Variants in DPYD observed in about 807,000 individuals in gnomAD.
DPYD encodes dihydropyrimidine dehydrogenase [NADP(+)].
A neutral mutation model predicts 116.2 loss-of-function variants in DPYD; 109 were observed. That is an observed-to-expected ratio of 0.94 (90% CI 0.80 to 1.10). The LOEUF is 1.10. Among genes scored for constraint, DPYD ranks in the 50% least tolerant of loss-of-function variants. The pLI is 0.00. For missense variants in DPYD, 1,302 were observed against 1,254.5 expected (o/e 1.04, Z -0.57); for synonymous variants, 440 against 432.0 (o/e 1.02, Z -0.23).
intron 8 of DPYD, among the ~76,000 whole-genome samples, chr1:97,626,835 A>G (rs1656960171): frequency 6.6e-6 from 1 of 152,116 alleles, no homozygotes; most frequent in Admixed American, 6.6e-5. Context: ...TCAGTAAAAT[A>G]TATTAGTAGT....
At chr1:97,796,136 C>T (rs1217757445) in intron 3 of DPYD, among the ~76,000 whole-genome samples, 1 of 151,990 alleles carries the variant, frequency 6.6e-6, no homozygotes, top group Non-Finnish European at 1.5e-5. Context: ...TGACAATGAT[C>T]ATAATAGCTT....
chr1:97,754,238 A>G (rs1024921197), intron 3 of DPYD, among the ~76,000 whole-genome samples: 4 of 152,336 alleles, frequency 2.6e-5, no homozygotes, highest in African/African-American at 9.6e-5. Flanking sequence ...TGACCTATTC[A>G]TTAAGAGAAG....
In DPYD at chr1:97,337,652, A is replaced by T. The variant is rs983401650; in HGVS notation, c.2059-31355T>A. ...AAGTTGAAGGCTCATGACTTAACAC[A>T]TTTTTTTTTTTTTTTTTTGGAATTG... On this transcript the variant is annotated intron_variant, in intron 16 of 22. Transcript: ENST00000370192. Among the ~76,000 whole-genome samples, 29 of 145,484 alleles carry T rather than the reference A, an allele frequency of 2.0e-4. No homozygotes were observed. The East Asian group carries it at 4.2e-3, about 21-fold the overall frequency.
At chr1:97,340,434 C>A (rs1422578026) in intron 16 of DPYD, among the ~76,000 whole-genome samples, 1 of 152,046 alleles carries the variant, frequency 6.6e-6, no homozygotes, top group African/African-American at 2.4e-5. Context: ...CTTTGGGAGG[C>A]CAAGGTAGGA....
intron 8 of DPYD, among the ~76,000 whole-genome samples, chr1:97,615,364 A>G (rs1656201354): frequency 6.6e-6 from 1 of 152,104 alleles, no homozygotes; most frequent in Non-Finnish European, 1.5e-5. Context: ...GCTAGACACT[A>G]TGCTGGGTGT....
intron 14 of DPYD, among the ~76,000 whole-genome samples, chr1:97,396,429 T>C (rs977923581): frequency 1.3e-5 from 2 of 151,668 alleles, no homozygotes; most frequent in African/African-American, 4.8e-5. Flanking sequence ...GTCAGTTTTT[T>C]ATTATATTCA....
At chr1:97,542,461 T>C (rs1307294116) in intron 12 of DPYD, among the ~76,000 whole-genome samples, 1 of 152,162 alleles carries the variant, frequency 6.6e-6, no homozygotes, top group Non-Finnish European at 1.5e-5. Flanking sequence ...TAAAATCTTA[T>C]CCAGTAGCCT....
intron 18 of DPYD, among the ~76,000 whole-genome samples, chr1:97,287,911 T>G (rs1241440419): frequency 6.6e-6 from 1 of 151,570 alleles, no homozygotes; most frequent in Non-Finnish European, 1.5e-5. Context: ...AAGAGTCAAG[T>G]CCCATCAGTG....
chr1:97,646,317 T>A (rs965232977), intron 8 of DPYD, among the ~76,000 whole-genome samples: 11 of 151,440 alleles, frequency 7.3e-5, no homozygotes, highest in African/African-American at 2.4e-4. Context: ...TATCTTCTTT[T>A]TATTTTTTTT....
chr1:97,578,068 A>C (rs1002867536), intron 10 of DPYD, among the ~76,000 whole-genome samples: 2 of 151,664 alleles, frequency 1.3e-5, no homozygotes, highest in African/African-American at 4.8e-5. Flanking sequence ...TTGGTCTCAA[A>C]CTCCTGACCT....
intron 3 of DPYD, among the ~76,000 whole-genome samples, chr1:97,763,880 T>C (rs1665712453): frequency 6.6e-6 from 1 of 152,098 alleles, no homozygotes; most frequent in Non-Finnish European, 1.5e-5. Flanking sequence ...CTAGCTTAAT[T>C]AGTATGCATT....
At position 97,494,784 on chromosome 1, in the gene DPYD, A is replaced by G. The variant is rs149100873; in HGVS notation, c.1740+20942T>C. Among the ~76,000 whole-genome samples, 11 of 127,622 alleles carry G rather than the reference A, an allele frequency of 8.6e-5. 1 individual carries two copies. The highest frequency in any genetic ancestry group is 1.5e-4 in the Admixed American group (2 of 13,596). 83.7% of individuals were successfully genotyped at this position (127,622 alleles called of 152,430 possible). A position where few individuals can be genotyped will look rare whatever the true frequency, so the allele number is the denominator to read the frequency against. On this transcript the variant is annotated intron_variant, in intron 13 of 22. Coordinates refer to ENST00000370192, the MANE Select transcript of DPYD (RefSeq NM_000110.4). ...CACACACACACACACACACATACGC[A>G]CACACACACATAATTTTAAGATAAA...
At chr1:97,801,539 A>G (rs931792509) in intron 3 of DPYD, among the ~76,000 whole-genome samples, 1 of 151,902 alleles carries the variant, frequency 6.6e-6, no homozygotes, top group African/African-American at 2.4e-5. Context: ...TCAGAAGAAA[A>G]ATAAATTAGA....
intron 3 of DPYD, among the ~76,000 whole-genome samples, chr1:97,741,440 G>A (rs1276047161): frequency 6.6e-6 from 1 of 152,110 alleles, no homozygotes; most frequent in Non-Finnish European, 1.5e-5. Context: ...CCCCTACTGA[G>A]TCCAAGTTAC....
In DPYD at chr1:97,883,334, G is replaced by A. The variant is rs1672322439; in HGVS notation, c.80C>T (p.Thr27Ile). 1 of 1,612,678 alleles carries A rather than the reference G, an allele frequency of 6.2e-7. No homozygotes were observed. The highest frequency in any genetic ancestry group is 2.2e-5 in the East Asian group (1 of 44,766). Reference protein sequence around the residue: ...ALNPRTQTHATLCSTSAKKLD... With the variant: ...ALNPRTQTHAILCSTSAKKLD... ...TTTCTTGGCCGAAGTGGAACACAGAGTTGCATGAGTTTGTGTTCGAGGATT... is the reference window on the plus strand; with the variant it reads ...TTTCTTGGCCGAAGTGGAACACAGAATTGCATGAGTTTGTGTTCGAGGATT... The change falls in exon 2 of 23, where the codon ACT becomes ATT. Residue 27 changes from threonine to isoleucine, a missense_variant. Thr to Ile is a moderately conservative substitution (Grantham distance 89, BLOSUM62 -1). Transcript: ENST00000370192.
intron 19 of DPYD, among the ~76,000 whole-genome samples, chr1:97,194,290 T>C (rs1004744449): frequency 1.3e-5 from 2 of 152,116 alleles, no homozygotes; most frequent in African/African-American, 2.4e-5. Context: ...CTCGTGATGA[T>C]GAGTGAGCTC....
chr1:97,538,502 A>AT (rs552321118), intron 12 of DPYD, among the ~76,000 whole-genome samples: 46 of 152,176 alleles, frequency 3.0e-4, no homozygotes, highest in African/African-American at 1.0e-3. Flanking sequence ...ACCACTAGTG[A>AT]TTTTTTTTGT....
intron 8 of DPYD, among the ~76,000 whole-genome samples, chr1:97,670,435 C>T (rs1486431941): frequency 6.6e-6 from 1 of 152,264 alleles, no homozygotes; most frequent in East Asian, 1.9e-4. Context: ...GAAGAAACGT[C>T]AGAGGTCTTT....
At chr1:97,775,382 C>CT (rs759883450) in intron 3 of DPYD, among the ~76,000 whole-genome samples, 4 of 152,148 alleles carry the variant, frequency 2.6e-5, no homozygotes, top group Admixed American at 6.5e-5. Context: ...ATTTCCCCCC[C>CT]TGCTCTTGGT....
Sources: allele counts gnomAD v4.1 joint callset (sites outside exome capture counted in the v4.1 genomes callset), GRCh38; gene constraint gnomAD v4.1.1; transcripts MANE v1.5; gene names NCBI Gene and HGNC (gene_info 2026-07-23, HGNC 2026-07-21).